Variants in SMC6 observed in about 807,000 individuals in gnomAD.
SMC6 encodes the protein structural maintenance of chromosomes 6.
Under a neutral mutation model 142.2 loss-of-function variants are expected in SMC6, and 79 were observed. That is an observed-to-expected ratio of 0.56 (90% CI 0.46 to 0.67). SMC6 has a LOEUF of 0.67. SMC6 is among the 30% of genes least tolerant of loss of function. The pLI is 0.00. For synonymous variants in SMC6, 411 were observed against 412.4 expected (o/e 1.00, Z 0.04); for missense variants, 1,072 against 1,284.0 (o/e 0.83, Z 2.52).
intron 23 of SMC6, among the ~76,000 whole-genome samples, chr2:17,693,960 A>T (rs531621829): frequency 2.1e-4 from 31 of 144,380 alleles, no homozygotes; most frequent in Admixed American, 2.0e-3. Flanking sequence ...AGATCACGCC[A>T]TTGCACTCCA....
At chr2:17,731,639 C>T (rs1669919496) in intron 6 of SMC6, 102 bp downstream of exon 6, 2 of 1,146,600 alleles carry the variant, frequency 1.7e-6, no homozygotes, top group Admixed American at 2.1e-5. Flanking sequence ...CACAACCAAT[C>T]ATGTTACAAG....
intron 16 of SMC6, among the ~76,000 whole-genome samples, chr2:17,709,558 T>C (rs956860892): frequency 6.6e-6 from 1 of 152,312 alleles, no homozygotes; most frequent in East Asian, 1.9e-4. Context: ...CAAAGTATCT[T>C]TGCATACATG....
At chr2:17,733,228 C>G (rs1486524110) in intron 5 of SMC6, among the ~76,000 whole-genome samples, 1 of 152,204 alleles carries the variant, frequency 6.6e-6, no homozygotes, top group Non-Finnish European at 1.5e-5. Flanking sequence ...TGAATTACTG[C>G]TAAGACAGTA....
At chr2:17,719,210 T>C (rs146791623) in intron 11 of SMC6, among the ~76,000 whole-genome samples, 1 of 152,322 alleles carries the variant, frequency 6.6e-6, no homozygotes, top group East Asian at 1.9e-4. Flanking sequence ...ATTGTTTTTT[T>C]AATAAAAATG....
intron 5 of SMC6, among the ~76,000 whole-genome samples, chr2:17,735,603 G>C (rs1202490040): frequency 6.6e-6 from 1 of 152,192 alleles, no homozygotes; most frequent in African/African-American, 2.4e-5. Context: ...GTTGGTATTA[G>C]GAAGGCCAAG....
intron 23 of SMC6, among the ~76,000 whole-genome samples, chr2:17,692,401 G>A (rs141476279): frequency 0.014 from 2,144 of 152,164 alleles, 16 homozygotes; most frequent in Non-Finnish European, 0.016. Context: ...AAATAATGCC[G>A]CATATCTACA....
intron 2 of SMC6, among the ~76,000 whole-genome samples, chr2:17,751,003 C>G (rs1250981357): frequency 2.8e-5 from 1 of 35,946 alleles, no homozygotes; most frequent in African/African-American, 1.4e-4. Context: ...GAACAGCTGT[C>G]TCAAAAAAAA....
chr2:17,694,749 T>TA (rs1667912692), intron 23 of SMC6, among the ~76,000 whole-genome samples: 1 of 152,360 alleles, frequency 6.6e-6, no homozygotes, highest in Non-Finnish European at 1.5e-5. Flanking sequence ...CATCTGTTTT[T>TA]ATCAGTAATA....
intron 16 of SMC6, among the ~76,000 whole-genome samples, chr2:17,712,432 A>G (rs898236159): frequency 2.0e-5 from 3 of 152,194 alleles, no homozygotes; most frequent in Non-Finnish European, 4.4e-5. Flanking sequence ...CTCAGACAGA[A>G]AGAATCTCTC....
At chr2:17,727,388 A>G (rs1385847959) in intron 7 of SMC6, among the ~76,000 whole-genome samples, 2 of 152,120 alleles carry the variant, frequency 1.3e-5, no homozygotes, top group Admixed American at 1.3e-4. Flanking sequence ...GCTCTCAAAC[A>G]TTAGACTCCA....
chr2:17,699,070 A>G (rs1207765776), intron 21 of SMC6, among the ~76,000 whole-genome samples: 2 of 152,140 alleles, frequency 1.3e-5, no homozygotes, highest in African/African-American at 2.4e-5. Flanking sequence ...CATAATTTTT[A>G]AAACTCAAGA....
chr2:17,701,948 A>G (rs1267761552), intron 19 of SMC6, 39 bp from the exon 20 acceptor site: 3 of 1,132,126 alleles, frequency 2.6e-6, no homozygotes, highest in Admixed American at 2.4e-5. Context: ...ACATAAAAAA[A>G]AATTTAAACC....
At chr2:17,707,494 T>A (rs1256084605) in intron 17 of SMC6, 115 bp from the exon 18 acceptor site, 8 of 556,372 alleles carry the variant, frequency 1.4e-5, no homozygotes, top group Middle Eastern at 5.2e-4. Flanking sequence ...GTATTCTTTT[T>A]AAAACATTCA....
At chr2:17,724,705 C>A (rs569935065) in intron 9 of SMC6, among the ~76,000 whole-genome samples, 2 of 152,120 alleles carry the variant, frequency 1.3e-5, no homozygotes, top group Non-Finnish European at 2.9e-5. Context: ...TGATTTAAAG[C>A]GCAAGCAAAT....
chr2:17,707,144 A>G (rs1668549393), intron 18 of SMC6, 75 bp downstream of exon 18: 2 of 1,216,116 alleles, frequency 1.6e-6, no homozygotes, highest in Non-Finnish European at 2.2e-6. Flanking sequence ...CAACCACTAA[A>G]AGAGTAATAT....
At position 17,668,320 on chromosome 2, in the gene SMC6, T is replaced by C. The variant is rs530388225; in HGVS notation, c.3064-1803A>G. Among the ~76,000 whole-genome samples, 4 of 152,316 alleles carry C rather than the reference T, an allele frequency of 2.6e-5. No individual in the cohort carries two copies. The South Asian group carries it at 6.2e-4, about 24-fold the overall frequency. On this transcript the variant is annotated intron_variant, in intron 26 of 27. Coordinates refer to ENST00000448223, the MANE Select transcript of SMC6 (RefSeq NM_001142286.2). ...GGAATATCTAACCCATTTTCAGCAA[T>C]AGTATCATAGAAAAAAATTGACACT... is the stretch of plus-strand genomic sequence containing the variant.
intron 16 of SMC6, among the ~76,000 whole-genome samples, chr2:17,713,232 T>C (rs1300101426): frequency 5.9e-5 from 9 of 152,174 alleles, no homozygotes; most frequent in Admixed American, 5.2e-4. Context: ...AGAAACATTA[T>C]TAGTGAAAAA....
chr2:17,693,941 A>G (rs1667860394), intron 23 of SMC6, among the ~76,000 whole-genome samples: 1 of 145,240 alleles, frequency 6.9e-6, no homozygotes, highest in Admixed American at 7.2e-5. Context: ...CAGAGGCTGC[A>G]GTGAGCCGAG....
chr2:17,691,366 G>GTA (rs1432435546), intron 23 of SMC6, among the ~76,000 whole-genome samples: 11 of 138,908 alleles, frequency 7.9e-5, no homozygotes, highest in Admixed American at 7.0e-5. Flanking sequence ...GTGTGTGTGT[G>GTA]TATACACATT....
Sources: gnomAD v4.1 joint callset for allele counts (sites outside exome capture counted in the v4.1 genomes callset) on GRCh38, gnomAD v4.1.1 for gene constraint, MANE v1.5 for transcripts, NCBI Gene and HGNC (gene_info 2026-07-23, HGNC 2026-07-21) for gene names.